FAAH2: variants seen among roughly 807,000 people sequenced by gnomAD.
The protein encoded by FAAH2 is fatty-acid amide hydrolase 2.
In FAAH2, 60 loss-of-function variants were observed where a neutral mutation model predicts 36.9. The ratio of observed to expected loss-of-function variants is 1.63; its 90% CI spans 1.32 to 2.02. FAAH2 has a LOEUF of 2.02. Among genes scored for constraint, FAAH2 ranks in the 30% most tolerant of loss-of-function variants. FAAH2 has a pLI of 0.00. For missense variants in FAAH2, 689 were observed against 397.5 expected (o/e 1.73, Z -6.23); for synonymous variants, 214 against 143.8 (o/e 1.49, Z -3.49).
chrX:57,416,677 A>G (rs2055852465), intron 7 of FAAH2, among the ~76,000 whole-genome samples: 1 of 109,981 alleles, frequency 9.1e-6, no homozygotes, highest in Non-Finnish European at 1.9e-5. Flanking sequence ...CTTCATTTCA[A>G]CCTTGGTGAA....
At chrX:57,457,631 C>G (rs1001656108) in intron 10 of FAAH2, among the ~76,000 whole-genome samples, 1 of 105,715 alleles carries the variant, frequency 9.5e-6, no homozygotes, top group East Asian at 3.0e-4. Flanking sequence ...AAAATCCTAA[C>G]ATTTTTATAC....
At chrX:57,350,989 T>C (rs2053984167) in intron 5 of FAAH2, among the ~76,000 whole-genome samples, 1 of 111,592 alleles carries the variant, frequency 9.0e-6, no homozygotes, top group African/African-American at 3.2e-5. Context: ...TCTAAATGGA[T>C]GTAATAGATA....
the FAAH2 span, among the ~76,000 whole-genome samples, chrX:57,274,297 C>A: frequency 2.7e-5 from 3 of 111,703 alleles, no homozygotes; most frequent in Admixed American, 9.5e-5. Flanking sequence ...AGTCCAGGAC[C>A]AGACAGATTC....
At chrX:57,212,097 AG>A in the FAAH2 span, among the ~76,000 whole-genome samples, 6 of 111,525 alleles carry the variant, frequency 5.4e-5, no homozygotes, top group Middle Eastern at 4.6e-3. Context: ...CCAGGCCTGT[AG>A]GTGGCAACAG....
chrX:57,402,139 C>A (rs1439855515), intron 7 of FAAH2, among the ~76,000 whole-genome samples: 1 of 111,883 alleles, frequency 8.9e-6, no homozygotes, highest in Non-Finnish European at 1.9e-5. Context: ...TTGGCTGGCT[C>A]TTGCCCAGGG....
the FAAH2 span, among the ~76,000 whole-genome samples, chrX:57,267,296 G>A: frequency 6.2e-5 from 7 of 112,920 alleles, no homozygotes; most frequent in Non-Finnish European, 1.3e-4. Context: ...CCAGCCTACT[G>A]CTATTGCAGA....
chrX:57,170,206 G>A, the FAAH2 span, among the ~76,000 whole-genome samples: 1 of 111,956 alleles, frequency 8.9e-6, no homozygotes, highest in Admixed American at 9.5e-5. Flanking sequence ...TATATATGTG[G>A]AGTCACAGAG....
rs186313924 is a variant in FAAH2, at chrX:57,422,085, A to T, written c.997-9833A>T. On this transcript the variant is annotated intron_variant, in intron 7 of 10. Coordinates refer to ENST00000374900, the MANE Select transcript of FAAH2 (RefSeq NM_174912.4). Reference sequence around the variant, plus strand: ...TCTTTACTAACAGACATAGGAAAAAAAAAACATTCTTTTAGTCAATAGCTC... The same window carrying T: ...TCTTTACTAACAGACATAGGAAAAATAAAACATTCTTTTAGTCAATAGCTC... Among the ~76,000 whole-genome samples the T allele has an allele frequency of 2.9e-3, 327 of 111,831 alleles. 2 individuals are homozygous for T. Among genetic ancestry groups the T allele is most frequent in the African/African-American group, 0.01 (318 of 30,762 alleles).
intron 5 of FAAH2, among the ~76,000 whole-genome samples, chrX:57,360,541 T>C (rs1377964928): frequency 9.0e-6 from 1 of 111,405 alleles, no homozygotes; most frequent in African/African-American, 3.3e-5. Context: ...TTCTATCTCT[T>C]TATTGATATT....
At chrX:57,296,023 G>A (rs1348158570) in intron 2 of FAAH2, among the ~76,000 whole-genome samples, 2 of 112,469 alleles carry the variant, frequency 1.8e-5, no homozygotes, top group South Asian at 3.7e-4. Flanking sequence ...TCCACCTCTG[G>A]GGGCAGGACA....
chrX:57,240,137 GTTTTGTA>G, the FAAH2 span, among the ~76,000 whole-genome samples: 2 of 111,891 alleles, frequency 1.8e-5, no homozygotes, highest in Non-Finnish European at 3.8e-5. Flanking sequence ...TGCACTGGTT[GTTTTGTA>G]TGTGTGTGGG....
upstream of FAAH2, chrX:57,286,646 C>G: frequency 2.6e-6 from 1 of 391,476 alleles, no homozygotes; most frequent in Non-Finnish European, 4.1e-6. Context: ...AGTCTCCGCC[C>G]CCATCTCTGG....
At chrX:57,416,363 G>T (rs763527289) in intron 7 of FAAH2, among the ~76,000 whole-genome samples, 3 of 110,988 alleles carry the variant, frequency 2.7e-5, no homozygotes, top group African/African-American at 6.5e-5. Flanking sequence ...GCAGTGGCTG[G>T]TACAGTTTTT....
At chrX:57,406,287 A>C (rs762947851) in intron 7 of FAAH2, among the ~76,000 whole-genome samples, 3 of 112,381 alleles carry the variant, frequency 2.7e-5, no homozygotes, top group Non-Finnish European at 5.6e-5. Flanking sequence ...GATCTGGCAC[A>C]CTATCTTCTG....
chrX:57,147,487 T>C, the FAAH2 span, among the ~76,000 whole-genome samples: 2 of 112,091 alleles, frequency 1.8e-5, no homozygotes, highest in African/African-American at 6.5e-5. Flanking sequence ...ATCAATTTTA[T>C]TTATCTTTTA....
chrX:57,225,327 T>C, the FAAH2 span, among the ~76,000 whole-genome samples: 1 of 111,531 alleles, frequency 9.0e-6, no homozygotes, highest in African/African-American at 3.3e-5. Flanking sequence ...CGAAAGTTTT[T>C]GATAGGTTGT....
the FAAH2 span, among the ~76,000 whole-genome samples, chrX:57,166,970 A>T: frequency 1.8e-5 from 2 of 111,658 alleles, no homozygotes; most frequent in Non-Finnish European, 3.8e-5. Flanking sequence ...TCATATGTTT[A>T]TAGTTCACCA....
intron 10 of FAAH2, among the ~76,000 whole-genome samples, chrX:57,481,317 C>T (rs1291126684): frequency 9.0e-6 from 1 of 111,046 alleles, no homozygotes; most frequent in Non-Finnish European, 1.9e-5. Flanking sequence ...GGAGAAGAGG[C>T]TTTCTGGTTT....
At chrX:57,261,116 A>T in the FAAH2 span, among the ~76,000 whole-genome samples, 1 of 112,017 alleles carries the variant, frequency 8.9e-6, no homozygotes, top group East Asian at 2.8e-4. Flanking sequence ...TTGTAATTAT[A>T]AAAACGTGAA....
Sources: allele counts gnomAD v4.1 joint callset (sites outside exome capture counted in the v4.1 genomes callset), GRCh38; gene constraint gnomAD v4.1.1; transcripts MANE v1.5; gene names NCBI Gene and HGNC (gene_info 2026-07-23, HGNC 2026-07-21).